TLCD4: variants seen among roughly 807,000 people sequenced by gnomAD.
TLCD4 encodes TLC domain containing 4, also known as TLC domain-containing protein 4.
A neutral mutation model predicts 24.2 loss-of-function variants in TLCD4; 7 were observed. That is an observed-to-expected ratio of 0.29 (90% CI 0.16 to 0.54). The LOEUF (loss-of-function observed/expected upper bound fraction) is 0.54. Ranked by LOEUF, TLCD4 falls within the 20% of genes least tolerant of loss-of-function variation. TLCD4 has a pLI of 0.95. For missense variants in TLCD4, 259 were observed against 313.9 expected (o/e 0.82, Z 1.32); for synonymous variants, 103 against 106.4 (o/e 0.97, Z 0.20).
intron 5 of TLCD4, among the ~76,000 whole-genome samples, chr1:95,166,433 T>G (rs1678019666): frequency 6.6e-6 from 1 of 152,224 alleles, no homozygotes; most frequent in African/African-American, 2.4e-5. Context: ...AGTATTAATT[T>G]TCCTTTTCAT....
the TLCD4 span, among the ~76,000 whole-genome samples, chr1:95,096,592 T>C: frequency 6.6e-6 from 1 of 152,238 alleles, no homozygotes; most frequent in Non-Finnish European, 1.5e-5. Context: ...GTTTTTAAAC[T>C]AGATAATATT....
At chr1:95,185,602 C>T (rs1201685825) in intron 6 of TLCD4, among the ~76,000 whole-genome samples, 5 of 152,198 alleles carry the variant, frequency 3.3e-5, no homozygotes, top group South Asian at 2.1e-4. Flanking sequence ...GGCTAGTTAA[C>T]GTGAAGACGA....
chr1:95,142,277 T>C, intron 1 of TLCD4, among the ~76,000 whole-genome samples: 1 of 137,828 alleles, frequency 7.3e-6, no homozygotes, highest in East Asian at 2.1e-4. Context: ...GACCTGAAGC[T>C]CTTTTATAAA....
chr1:95,112,480 G>A (rs1450583887), upstream of TLCD4, among the ~76,000 whole-genome samples: 1 of 152,132 alleles, frequency 6.6e-6, no homozygotes, highest in African/African-American at 2.4e-5. Context: ...TATTTGTAAG[G>A]TGCATCAATA....
At position 95,195,118 on chromosome 1, in the gene TLCD4, C is replaced by A. The variant is rs1010260501; in HGVS notation, c.*3250C>A. ...GTAAGTATTTGAATCCAGTTCTTTT[C>A]TAAATTTTAATAATTTGACTCAAAA... is the stretch of plus-strand genomic sequence containing the variant. On this transcript the variant is annotated 3_prime_UTR_variant, in exon 7 of 7. Coordinates refer to ENST00000370203, the MANE Select transcript of TLCD4 (RefSeq NM_152487.3). 2 of 152,134 alleles carry A rather than the reference C, an allele frequency of 1.3e-5. No individual in the cohort carries two copies. The highest frequency in any genetic ancestry group is 6.5e-5 in the Admixed American group (1 of 15,274). 9.4% of individuals were successfully genotyped at this position (152,134 alleles called of 1,614,324 possible). A position where few individuals can be genotyped will look rare whatever the true frequency, so the allele number is the denominator to read the frequency against.
chr1:95,160,237 G>T (rs549655608), intron 5 of TLCD4, among the ~76,000 whole-genome samples: 1 of 152,132 alleles, frequency 6.6e-6, no homozygotes, highest in East Asian at 1.9e-4. Context: ...TTGTAAGTTG[G>T]ATTCCTAGGT....
chr1:95,139,174 CAAAAAA>C (rs71097248), intron 1 of TLCD4, among the ~76,000 whole-genome samples: 3 of 76,810 alleles, frequency 3.9e-5, no homozygotes, highest in Admixed American at 1.6e-4. Context: ...GAACCTGTGT[CAAAAAA>C]AAAAAAAAAA....
chr1:95,139,454 G>GTTTTT (rs1557681913), intron 1 of TLCD4, among the ~76,000 whole-genome samples: 1 of 57,478 alleles, frequency 1.7e-5, no homozygotes, highest in Non-Finnish European at 3.8e-5. Flanking sequence ...TTAAACCTTT[G>GTTTTT]ATTTTTTTTT....
intron 1 of TLCD4, among the ~76,000 whole-genome samples, chr1:95,133,400 C>T (rs1434401142): frequency 1.3e-5 from 2 of 150,716 alleles, no homozygotes; most frequent in African/African-American, 4.9e-5. Context: ...AAAAAAGAGC[C>T]AATAGAAAGA....
At chr1:95,117,266 C>T (rs979873762), upstream of TLCD4, 4 of 152,308 alleles carry the variant, frequency 2.6e-5, no homozygotes, top group African/African-American at 9.6e-5. Flanking sequence ...AAGGTCTGCT[C>T]GGCGGCCCGC....
chr1:95,102,754 T>C, the TLCD4 span, among the ~76,000 whole-genome samples: 1 of 152,084 alleles, frequency 6.6e-6, no homozygotes, highest in Admixed American at 6.5e-5. Flanking sequence ...AAAAGGTTAA[T>C]TGCAAAATTT....
upstream of TLCD4, among the ~76,000 whole-genome samples, chr1:95,113,249 G>A (rs1351901770): frequency 6.6e-6 from 1 of 151,856 alleles, no homozygotes; most frequent in Non-Finnish European, 1.5e-5. Context: ...CGCCATGTTG[G>A]CCAGGCTGGT....
chr1:95,109,115 C>T, the TLCD4 span, among the ~76,000 whole-genome samples: 3 of 152,076 alleles, frequency 2.0e-5, no homozygotes, highest in Non-Finnish European at 4.4e-5. Context: ...ATAGCTTGAG[C>T]TTAGGAGTTT....
At chr1:95,187,196 G>A (rs2101020044) in intron 6 of TLCD4, among the ~76,000 whole-genome samples, 1 of 152,262 alleles carries the variant, frequency 6.6e-6, no homozygotes, top group South Asian at 2.1e-4. Flanking sequence ...CCCACACCCA[G>A]CTTCCCCTAT....
the TLCD4 span, among the ~76,000 whole-genome samples, chr1:95,110,943 T>C: frequency 1.3e-5 from 2 of 151,586 alleles, no homozygotes; most frequent in Non-Finnish European, 2.9e-5. Flanking sequence ...TCAACTAATT[T>C]ATAAAATCTA....
At chr1:95,104,659 GTC>G in the TLCD4 span, among the ~76,000 whole-genome samples, 1 of 33,576 alleles carries the variant, frequency 3.0e-5, no homozygotes, top group Admixed American at 3.7e-4. Context: ...GCGAGACTCC[GTC>G]TCAAAAAAAA....
the TLCD4 span, among the ~76,000 whole-genome samples, chr1:95,108,357 T>C: frequency 6.6e-6 from 1 of 152,196 alleles, no homozygotes; most frequent in African/African-American, 2.4e-5. Flanking sequence ...AGGAGAGAAT[T>C]CATCCATATT....
chr1:95,158,694 T>C (rs1475698820), intron 5 of TLCD4, among the ~76,000 whole-genome samples: 1 of 133,344 alleles, frequency 7.5e-6, no homozygotes, highest in Non-Finnish European at 1.6e-5. Context: ...GTGTGTGCTG[T>C]TCCCCATCCT....
At chr1:95,185,775 T>C (rs992988192) in intron 6 of TLCD4, among the ~76,000 whole-genome samples, 1 of 152,252 alleles carries the variant, frequency 6.6e-6, no homozygotes. Context: ...ATTGACTTTA[T>C]GTTATTGGTA....
Sources: allele counts gnomAD v4.1 joint callset (sites outside exome capture counted in the v4.1 genomes callset), GRCh38; gene constraint gnomAD v4.1.1; transcripts MANE v1.5; gene names NCBI Gene and HGNC (gene_info 2026-07-23, HGNC 2026-07-21).